TLE1: variants seen among roughly 807,000 people sequenced by gnomAD.
The protein encoded by TLE1 is transducin-like enhancer protein 1.
In TLE1, 21 loss-of-function variants were observed where a neutral mutation model predicts 89.8. The observed-to-expected ratio is 0.23, with a 90% CI of 0.17 to 0.34. TLE1 has a LOEUF of 0.34. TLE1 is among the 10% of genes least tolerant of loss of function. The probability of loss-of-function intolerance (pLI) is 1.00; values close to 1 mark genes in which losing one functional copy is unlikely to be tolerated. For missense variants in TLE1, 795 were observed against 1,031.2 expected, an observed-to-expected ratio of 0.77 and a Z score of 3.14; for synonymous variants, 447 against 407.6, an observed-to-expected ratio of 1.10 and a Z score of -1.16.
intron 5 of TLE1, among the ~76,000 whole-genome samples, chr9:81,653,205 C>T (rs1829767819): frequency 6.6e-6 from 1 of 152,148 alleles, no homozygotes; most frequent in South Asian, 2.1e-4. Flanking sequence ...GGTGACCATC[C>T]GGCATGGAGC....
chr9:81,685,121 C>T (rs978779293), intron 4 of TLE1, among the ~76,000 whole-genome samples: 15 of 152,136 alleles, frequency 9.9e-5, no homozygotes, highest in African/African-American at 3.6e-4. Flanking sequence ...GCTTTTTTCA[C>T]ATCCACACCT....
At position 81,620,646 on chromosome 9, in the gene TLE1, A is replaced by T. The variant is rs1046502634; in HGVS notation, c.595-89T>A. 1.0e-5 allele frequency: 16 copies of T among 1,542,378 alleles called. No homozygotes were observed. In the African/African-American group the frequency reaches 2.2e-4, roughly 21 times the overall value. Reference sequence around the variant, plus strand: ...CCTCGATGTGAGAACTATTTTTGAAAGGTGATACCTACACAGCCTTTCATT... The same window carrying T: ...CCTCGATGTGAGAACTATTTTTGAATGGTGATACCTACACAGCCTTTCATT... On this transcript the variant is annotated intron_variant, in intron 8 of 19. Coordinates refer to ENST00000376499, the MANE Select transcript of TLE1 (RefSeq NM_005077.5).
At chr9:81,627,315 TCAC>T (rs1285165706) in intron 8 of TLE1, among the ~76,000 whole-genome samples, 4 of 131,194 alleles carry the variant, frequency 3.0e-5, no homozygotes, top group Non-Finnish European at 4.9e-5. Flanking sequence ...AATTGTTCTC[TCAC>T]TTTTTTTTTT....
At chr9:81,658,413 G>C (rs888288481) in intron 4 of TLE1, among the ~76,000 whole-genome samples, 2 of 152,008 alleles carry the variant, frequency 1.3e-5, no homozygotes, top group African/African-American at 4.8e-5. Context: ...ATATGTCCTG[G>C]AAATTCTACA....
rs1349324982 is a variant in TLE1, at chr9:81,611,978, C to T, written c.1064-19G>A. On this transcript the variant is annotated intron_variant, in intron 12 of 19. Coordinates refer to ENST00000376499, the MANE Select transcript of TLE1 (RefSeq NM_005077.5). The stretch of plus-strand genomic sequence containing the variant: ...CCAGCTGCTGAAAGGAAACACAAGC[C>T]GCACATCATTCAACTGACCCACTCC... 3.5e-6 allele frequency: 5 copies of T among 1,430,422 alleles called. No homozygotes were observed. Among genetic ancestry groups the T allele is most frequent in the South Asian group, 1.6e-5 (1 of 60,738 alleles). 88.6% of individuals were successfully genotyped at this position (1,430,422 alleles called of 1,614,324 possible). A position where few individuals can be genotyped will look rare whatever the true frequency, so the allele number is the denominator to read the frequency against.
chr9:81,653,665 A>G (rs761745608), intron 5 of TLE1, among the ~76,000 whole-genome samples: 3 of 152,220 alleles, frequency 2.0e-5, no homozygotes, highest in Non-Finnish European at 4.4e-5. Flanking sequence ...TATTTAAAAG[A>G]TATAAAAGAC....
chr9:81,588,319 A>T (rs111242955), intron 16 of TLE1, among the ~76,000 whole-genome samples: 12 of 152,308 alleles, frequency 7.9e-5, no homozygotes, highest in African/African-American at 2.9e-4. Context: ...TGTTTCCATG[A>T]GTGAATCAAC....
intron 4 of TLE1, among the ~76,000 whole-genome samples, chr9:81,681,168 G>A (rs1015018634): frequency 1.3e-5 from 2 of 152,046 alleles, no homozygotes; most frequent in African/African-American, 4.8e-5. Flanking sequence ...ATATCACATG[G>A]AGCTCTTTCC....
intron 4 of TLE1, among the ~76,000 whole-genome samples, chr9:81,671,290 G>T (rs1354772739): frequency 1.3e-5 from 2 of 152,108 alleles, no homozygotes; most frequent in African/African-American, 4.8e-5. Context: ...GAAGCGGGCG[G>T]ATTGCTTGAG....
chr9:81,615,365 T>C (rs1824338330), intron 11 of TLE1, among the ~76,000 whole-genome samples: 2 of 149,318 alleles, frequency 1.3e-5, no homozygotes, highest in African/African-American at 2.5e-5. Flanking sequence ...GTTTGAACCA[T>C]TTGTCAACTG....
chr9:81,654,073 T>G lies in TLE1; in HGVS notation c.235-37A>C, dbSNP rs201387236. On this transcript the variant is annotated intron_variant, in intron 4 of 19. Transcript: ENST00000376499. ...AAGCCACACAAATGTTTAGAATACTTCACAATCAGTTCAGAAAGGTAAAAC... is the reference window on the plus strand; with the variant it reads ...AAGCCACACAAATGTTTAGAATACTGCACAATCAGTTCAGAAAGGTAAAAC... The G allele has an allele frequency of 5.0e-6, 8 of 1,603,354 alleles. No homozygotes were observed. In the East Asian group the frequency reaches 1.6e-4, roughly 31 times the overall value.
chr9:81,621,581 A>G lies in TLE1; in HGVS notation c.595-1024T>C, dbSNP rs193277285. On this transcript the variant is annotated intron_variant, in intron 8 of 19. Transcript: ENST00000376499. ...AATTATGTTACCTTTCTCTGCCACA[A>G]TTTAAAATAGAAGGGGCTGGGGGAT... 4.0e-3 allele frequency among the ~76,000 whole-genome samples: 609 copies of G among 152,318 alleles called. 5 individuals carry two copies. Among genetic ancestry groups the G allele is most frequent in the Non-Finnish European group, 4.5e-3 (309 of 68,024 alleles).
Position 81,676,806 on chromosome 9 carries a change from T to C in TLE1, c.234+8870A>G, listed in dbSNP as rs571456832. Among the ~76,000 whole-genome samples the C allele has an allele frequency of 2.6e-5, 4 of 152,314 alleles. No individual in the cohort carries two copies. In the East Asian group the frequency reaches 5.8e-4, roughly 22 times the overall value. On this transcript the variant is annotated intron_variant, in intron 4 of 19. Coordinates refer to ENST00000376499, the MANE Select transcript of TLE1 (RefSeq NM_005077.5). ...CCAGGGTGCGGCCAGGTTTGACATA[T>C]GGGCTAGCAGTCTCTGAGCAGTGGG...
chr9:81,679,179 CAT>C (rs1039384657), intron 4 of TLE1, among the ~76,000 whole-genome samples: 21 of 152,068 alleles, frequency 1.4e-4, no homozygotes, highest in African/African-American at 4.6e-4. Context: ...AATAATGAAA[CAT>C]GTAATTTTGC....
chr9:81,688,151 C>A, intron 1 of TLE1, 66 bp downstream of exon 1: 1 of 1,590,990 alleles, frequency 6.3e-7, no homozygotes, highest in Non-Finnish European at 8.6e-7. Flanking sequence ...ACCAGTCTCC[C>A]TACCGCCCGG....
At chr9:81,599,142 G>A (rs769166830) in intron 14 of TLE1, among the ~76,000 whole-genome samples, 1 of 152,142 alleles carries the variant, frequency 6.6e-6, no homozygotes, top group Non-Finnish European at 1.5e-5. Context: ...ACTATGAAGC[G>A]CAATATAGTC....
intron 6 of TLE1, among the ~76,000 whole-genome samples, chr9:81,651,454 G>C (rs891874536): frequency 2.0e-5 from 3 of 152,150 alleles, no homozygotes; most frequent in Non-Finnish European, 4.4e-5. Context: ...AGCACTAACT[G>C]AACTCAAGAG....
At chr9:81,620,797 G>A (rs1486911903) in intron 8 of TLE1, 8 of 1,305,796 alleles carry the variant, frequency 6.1e-6, no homozygotes, top group Middle Eastern at 1.9e-4. Context: ...AGGCCTCCTT[G>A]GAAATGTGCT....
At chr9:81,612,636 GGCCA>G (rs1823865712) in intron 12 of TLE1, among the ~76,000 whole-genome samples, 1 of 152,106 alleles carries the variant, frequency 6.6e-6, no homozygotes, top group African/African-American at 2.4e-5. Flanking sequence ...AGCACGGTTG[GGCCA>G]GCCAAACCGC....
Sources: allele counts gnomAD v4.1 joint callset (sites outside exome capture counted in the v4.1 genomes callset), GRCh38; gene constraint gnomAD v4.1.1; transcripts MANE v1.5; gene names NCBI Gene and HGNC (gene_info 2026-07-23, HGNC 2026-07-21).